The following SEMA6A variants were observed in gnomAD, a reference collection of about 807,000 sequenced individuals.
SEMA6A encodes the protein semaphorin-6A.
SEMA6A carries 25 observed loss-of-function variants against 96.8 expected under a neutral mutation model. That is an observed-to-expected ratio of 0.26 (90% CI 0.19 to 0.36). The LOEUF (loss-of-function observed/expected upper bound fraction) is 0.36, where lower values mean the gene tolerates loss of function less well. Among genes scored for constraint, SEMA6A ranks in the 10% least tolerant of loss-of-function variants. The pLI is 1.00. For synonymous variants in SEMA6A, 612 were observed against 518.0 expected, an observed-to-expected ratio of 1.18 and a Z score of -2.46; for missense variants, 1,363 against 1,323.1, an observed-to-expected ratio of 1.03 and a Z score of -0.47.
At chr5:116,548,717 C>CTTAT (rs1204509720) in intron 1 of SEMA6A, among the ~76,000 whole-genome samples, 2 of 152,190 alleles carry the variant, frequency 1.3e-5, no homozygotes, top group Non-Finnish European at 2.9e-5. Context: ...AGAAGACAAC[C>CTTAT]TTATTCTCTC....
At chr5:116,450,661 G>A (rs1257485222) in intron 18 of SEMA6A, among the ~76,000 whole-genome samples, 2 of 152,136 alleles carry the variant, frequency 1.3e-5, no homozygotes, top group East Asian at 3.9e-4. Flanking sequence ...AGTTAAGTAG[G>A]ATCTGACCTT....
rs770816529 is a variant in SEMA6A, at chr5:116,447,438, G to C, written c.2268C>G (p.Pro756=). 1 of 1,613,976 alleles carries C rather than the reference G, an allele frequency of 6.2e-7. No homozygotes were observed. The highest frequency in any genetic ancestry group is 8.5e-7 in the Non-Finnish European group (1 of 1,179,912). The change falls in exon 19 of 19, where the codon CCC becomes CCG. Residue 756 remains proline, a synonymous_variant. Transcript: ENST00000343348. ...DQHHLDLTAL[P]TPESTPTLQQ... is the part of the protein sequence containing the mutation. ...GCAGCGTTGGGGTTGACTCTGGGGT[G>C]GGGAGGGCCGTCAGGTCCAGGTGGT...
intron 1 of SEMA6A, among the ~76,000 whole-genome samples, chr5:116,505,497 T>A (rs1406754345): frequency 6.6e-6 from 1 of 150,960 alleles, no homozygotes; most frequent in South Asian, 2.1e-4. Flanking sequence ...CTATAACTCA[T>A]CCTGTTTACT....
intron 1 of SEMA6A, among the ~76,000 whole-genome samples, chr5:116,513,474 C>G (rs1249778957): frequency 6.6e-6 from 1 of 152,078 alleles, no homozygotes; most frequent in African/African-American, 2.4e-5. Flanking sequence ...TTTTAGAATT[C>G]CAGACCTGAT....
rs773347052 is a variant in SEMA6A at position 116,478,001 on chromosome 5, G to A, written c.1568+13C>T. 1.9e-6 allele frequency: 3 copies of A among 1,613,940 alleles called. No homozygotes were observed. The Admixed American group carries it at 5.0e-5, about 27-fold the overall frequency. On this transcript the variant is annotated intron_variant, in intron 14 of 18. Transcript: ENST00000343348. ...CATGGACTTTCTAATTGTCAATGAG[G>A]CAAAATACATACTTTTTACACTTCC...
intron 1 of SEMA6A, among the ~76,000 whole-genome samples, chr5:116,541,876 G>A (rs1474390203): frequency 1.3e-5 from 2 of 151,960 alleles, no homozygotes; most frequent in Non-Finnish European, 2.9e-5. Flanking sequence ...GCGTGAACTC[G>A]GTAACATTTT....
At chr5:116,525,278 G>T (rs1383874598) in intron 1 of SEMA6A, among the ~76,000 whole-genome samples, 1 of 152,130 alleles carries the variant, frequency 6.6e-6, no homozygotes, top group Non-Finnish European at 1.5e-5. Context: ...GTGGCCTTGG[G>T]TTATTTAATC....
chr5:116,462,766 G>GGGAA (rs920572319), intron 18 of SEMA6A, among the ~76,000 whole-genome samples: 4 of 152,144 alleles, frequency 2.6e-5, no homozygotes, highest in African/African-American at 7.2e-5. Flanking sequence ...CTTGGTAATA[G>GGGAA]TTTAATCTTC....
intron 7 of SEMA6A, among the ~76,000 whole-genome samples, chr5:116,491,375 C>A (rs1414593232): frequency 6.6e-6 from 1 of 152,066 alleles, no homozygotes; most frequent in Admixed American, 6.6e-5. Flanking sequence ...TCCCAAAGTC[C>A]ATCCTACCTT....
chr5:116,496,087 A>G (rs575348458), intron 5 of SEMA6A, 164 bp downstream of exon 5: 4 of 600,716 alleles, frequency 6.7e-6, no homozygotes, highest in Non-Finnish European at 1.2e-5. Flanking sequence ...ATTAAAAGCA[A>G]ACTATTTTTG....
intron 1 of SEMA6A, among the ~76,000 whole-genome samples, chr5:116,543,467 C>T (rs1760059213): frequency 6.6e-6 from 1 of 152,188 alleles, no homozygotes; most frequent in South Asian, 2.1e-4. Flanking sequence ...ATTCTCACTA[C>T]TCTGGAAACA....
At chr5:116,560,817 T>C (rs1237451831) in intron 1 of SEMA6A, among the ~76,000 whole-genome samples, 2 of 152,056 alleles carry the variant, frequency 1.3e-5, no homozygotes, top group East Asian at 3.9e-4. Flanking sequence ...AGACAGTGAG[T>C]GTCCCCTCCT....
intron 1 of SEMA6A, among the ~76,000 whole-genome samples, chr5:116,542,217 CAT>C (rs1176887773): frequency 6.6e-6 from 1 of 152,208 alleles, no homozygotes; most frequent in Admixed American, 6.5e-5. Context: ...CTAACCAAAT[CAT>C]GTGTCAGTCT....
chr5:116,538,732 T>TA, intron 1 of SEMA6A, among the ~76,000 whole-genome samples: 1 of 152,156 alleles, frequency 6.6e-6, no homozygotes, highest in East Asian at 1.9e-4. Flanking sequence ...CTTCTAATGA[T>TA]AAAATAAATA....
At chr5:116,555,849 T>TA (rs1463475973) in intron 1 of SEMA6A, among the ~76,000 whole-genome samples, 1 of 152,242 alleles carries the variant, frequency 6.6e-6, no homozygotes, top group African/African-American at 2.4e-5. Context: ...TACATATTTT[T>TA]AAAAAATCTA....
chr5:116,521,231 C>T lies in SEMA6A; in HGVS notation c.-38-16249G>A, dbSNP rs1364357495. ...GGATTGTGGAATACAAAGTGAAGCT[C>T]TGGTTGTGTGGCCTTCCTGGGACTG... On this transcript the variant is annotated intron_variant, in intron 1 of 18. Coordinates refer to ENST00000343348, the MANE Select transcript of SEMA6A (RefSeq NM_020796.5). 3.3e-5 allele frequency among the ~76,000 whole-genome samples: 5 copies of T among 152,210 alleles called. 1 individual carries two copies. The highest frequency in any genetic ancestry group is 1.2e-4 in the African/African-American group (5 of 41,460).
intron 1 of SEMA6A, among the ~76,000 whole-genome samples, chr5:116,556,493 C>T (rs1006917970): frequency 1.3e-5 from 2 of 152,094 alleles, no homozygotes; most frequent in Admixed American, 1.3e-4. Flanking sequence ...CATTCTGGTG[C>T]ATATTGTTTC....
chr5:116,488,848 C>T (rs766472610), intron 8 of SEMA6A, 40 bp downstream of exon 8: 3 of 1,526,472 alleles, frequency 2.0e-6, no homozygotes, highest in Non-Finnish European at 2.6e-6. Flanking sequence ...ATGTGTATTC[C>T]CCTCCCCTCC....
chr5:116,537,454 G>A (rs1295702273), intron 1 of SEMA6A, among the ~76,000 whole-genome samples: 2 of 152,104 alleles, frequency 1.3e-5, no homozygotes, highest in Non-Finnish European at 2.9e-5. Context: ...CCAGGTCAGG[G>A]GTTCTAGCAT....
Sources: gnomAD v4.1 joint callset for allele counts (sites outside exome capture counted in the v4.1 genomes callset) on GRCh38, gnomAD v4.1.1 for gene constraint, MANE v1.5 for transcripts, NCBI Gene and HGNC (gene_info 2026-07-23, HGNC 2026-07-21) for gene names.